Variants in NTM observed in about 807,000 individuals in gnomAD.
NTM encodes the protein neurotrimin.
A neutral mutation model predicts 42.1 loss-of-function variants in NTM; 13 were observed. The ratio of observed to expected loss-of-function variants is 0.31; its 90% CI spans 0.20 to 0.49. The LOEUF (loss-of-function observed/expected upper bound fraction) is 0.49, where lower values mean the gene tolerates loss of function less well. Ranked by LOEUF, NTM falls within the 20% of genes least tolerant of loss-of-function variation. NTM has a pLI of 0.99. For synonymous variants in NTM, 187 were observed against 179.2 expected, an observed-to-expected ratio of 1.04 and a Z score of -0.35; for missense variants, 373 against 452.8, an observed-to-expected ratio of 0.82 and a Z score of 1.60.
At chr11:132,168,133 G>A (rs1304002586) in intron 3 of NTM, among the ~76,000 whole-genome samples, 1 of 152,186 alleles carries the variant, frequency 6.6e-6, no homozygotes, top group African/African-American at 2.4e-5. Context: ...TTCCTACTAA[G>A]TGCAAGCCAC....
At chr11:131,890,269 C>T (rs2051111578) in intron 1 of NTM, among the ~76,000 whole-genome samples, 1 of 152,106 alleles carries the variant, frequency 6.6e-6, no homozygotes, top group African/African-American at 2.4e-5. Context: ...CACACCATAC[C>T]CCCTGGAAAC....
chr11:131,955,076 G>A lies in NTM; in HGVS notation c.167+43428G>A, dbSNP rs112171358. Among the ~76,000 whole-genome samples, 564 of 152,164 alleles carry A rather than the reference G, an allele frequency of 3.7e-3. 4 individuals are homozygous for A. Among genetic ancestry groups the A allele is most frequent in the African/African-American group, 0.013 (526 of 41,520 alleles). On this transcript the variant is annotated intron_variant, in intron 2 of 8. Transcript: ENST00000683400. ...CCTCCTTAGGATATATTCTTCCAGT[G>A]GTATTGTGGCAGAGAATATGCAAAC...
intron 1 of NTM, among the ~76,000 whole-genome samples, chr11:131,738,953 C>T (rs533210048): frequency 6.6e-6 from 1 of 152,288 alleles, no homozygotes; most frequent in South Asian, 2.1e-4. Flanking sequence ...TCTATGGTCT[C>T]TTGGATTGAA....
intron 4 of NTM, among the ~76,000 whole-genome samples, chr11:132,263,270 G>A (rs1039016974): frequency 3.9e-5 from 6 of 152,222 alleles, no homozygotes; most frequent in African/African-American, 1.4e-4. Context: ...GACCTCATAT[G>A]AAACTTAGGA....
At chr11:131,697,248 A>T (rs2075566097) in intron 1 of NTM, among the ~76,000 whole-genome samples, 1 of 152,254 alleles carries the variant, frequency 6.6e-6, no homozygotes, top group Admixed American at 6.5e-5. Flanking sequence ...ATCAGTCTGC[A>T]GCCAGTCGGA....
intron 2 of NTM, among the ~76,000 whole-genome samples, chr11:132,135,538 G>A (rs2067726255): frequency 6.6e-6 from 1 of 152,246 alleles, no homozygotes; most frequent in South Asian, 2.1e-4. Flanking sequence ...AAGAAGCCAA[G>A]TGGAGGCTCG....
At chr11:132,286,687 C>T (rs2094248767) in intron 4 of NTM, among the ~76,000 whole-genome samples, 1 of 152,192 alleles carries the variant, frequency 6.6e-6, no homozygotes, top group South Asian at 2.1e-4. Context: ...ACCAGAATGA[C>T]CGCATGGCTC....
chr11:131,556,060 G>T (rs557358118), intron 1 of NTM, among the ~76,000 whole-genome samples: 1 of 152,336 alleles, frequency 6.6e-6, no homozygotes, highest in Non-Finnish European at 1.5e-5. Context: ...TCTTGTGGAT[G>T]AAAGTTTGTG....
chr11:131,692,230 C>A (rs1490590002), intron 1 of NTM, among the ~76,000 whole-genome samples: 1 of 152,070 alleles, frequency 6.6e-6, no homozygotes, highest in African/African-American at 2.4e-5. Flanking sequence ...CCCATGCAGA[C>A]CTCTGGGTGA....
chr11:131,812,165 A>G (rs1260398675), intron 1 of NTM, among the ~76,000 whole-genome samples: 2 of 149,250 alleles, frequency 1.3e-5, no homozygotes, highest in East Asian at 3.9e-4. Flanking sequence ...ACCCTTTGTC[A>G]GAAAGATAAT....
chr11:132,107,037 A>C (rs1206779136), intron 2 of NTM, among the ~76,000 whole-genome samples: 1 of 152,176 alleles, frequency 6.6e-6, no homozygotes, highest in African/African-American at 2.4e-5. Context: ...CATAAAAGGC[A>C]TGTAAAACTC....
intron 4 of NTM, among the ~76,000 whole-genome samples, chr11:132,252,625 A>C (rs2092071889): frequency 6.6e-6 from 1 of 152,176 alleles, no homozygotes; most frequent in Non-Finnish European, 1.5e-5. Flanking sequence ...GAGAAAAACA[A>C]CTTGCAGCTT....
intron 1 of NTM, among the ~76,000 whole-genome samples, chr11:131,789,633 AGAAAAGAAGAAG>A (rs2090459405): frequency 1.1e-5 from 1 of 89,944 alleles, no homozygotes; most frequent in Admixed American, 1.2e-4. Context: ...AAGAAGAAGA[AGAAAAGAAGAAG>A]AAGAAGAAGA....
intron 2 of NTM, among the ~76,000 whole-genome samples, chr11:132,011,864 T>C (rs1006860187): frequency 7.9e-5 from 12 of 152,210 alleles, no homozygotes; most frequent in South Asian, 2.1e-4. Flanking sequence ...TTCCCTATTC[T>C]GTATCTCAGA....
intron 1 of NTM, among the ~76,000 whole-genome samples, chr11:131,521,556 C>T (rs1380356004): frequency 6.6e-6 from 1 of 151,164 alleles, no homozygotes; most frequent in East Asian, 2.0e-4. Flanking sequence ...CTGCAAGGGC[C>T]CGAGGTGCCA....
chr11:132,064,256 TG>T (rs2081111353), intron 2 of NTM, among the ~76,000 whole-genome samples: 1 of 152,218 alleles, frequency 6.6e-6, no homozygotes, highest in South Asian at 2.1e-4. Flanking sequence ...GCAAATAATT[TG>T]GGGTTCAGAA....
intron 2 of NTM, among the ~76,000 whole-genome samples, chr11:132,110,181 C>A (rs1284550980): frequency 6.6e-6 from 1 of 152,214 alleles, no homozygotes; most frequent in African/African-American, 2.4e-5. Context: ...AGGGCCTATG[C>A]CCTGTCTTTT....
intron 3 of NTM, among the ~76,000 whole-genome samples, chr11:132,197,407 T>C (rs2080414655): frequency 6.6e-6 from 1 of 152,180 alleles, no homozygotes; most frequent in Admixed American, 6.5e-5. Flanking sequence ...TAACATGTCC[T>C]GAGTACTATG....
intron 2 of NTM, among the ~76,000 whole-genome samples, chr11:131,912,003 C>T (rs1682158836): frequency 6.6e-6 from 1 of 152,168 alleles, no homozygotes; most frequent in Non-Finnish European, 1.5e-5. Flanking sequence ...GGAGGGGCTC[C>T]CCGCGAGCAG....
Sources: gnomAD v4.1 joint callset for allele counts (sites outside exome capture counted in the v4.1 genomes callset) on GRCh38, gnomAD v4.1.1 for gene constraint, MANE v1.5 for transcripts, NCBI Gene and HGNC (gene_info 2026-07-23, HGNC 2026-07-21) for gene names.